FGGY: variants seen among roughly 807,000 people sequenced by gnomAD.
FGGY encodes FGGY carbohydrate kinase domain containing.
Under a neutral mutation model 71.3 loss-of-function variants are expected in FGGY, and 72 were observed. The observed-to-expected ratio is 1.01, with a 90% CI of 0.84 to 1.23. The LOEUF is 1.23. Ranked by LOEUF, FGGY falls within the 50% of genes most tolerant of loss-of-function variation. The pLI, the probability that FGGY is intolerant of heterozygous loss-of-function variation, is 0.00. For synonymous variants in FGGY, 251 were observed against 250.3 expected, an observed-to-expected ratio of 1.00 and a Z score of -0.02; for missense variants, 668 against 682.3, an observed-to-expected ratio of 0.98 and a Z score of 0.23.
At chr1:59,335,520 A>G (rs1165100506) in intron 2 of FGGY, among the ~76,000 whole-genome samples, 6 of 152,176 alleles carry the variant, frequency 3.9e-5, no homozygotes, top group Non-Finnish European at 8.8e-5. Context: ...ATATTCACAT[A>G]CAATTCTTTG....
chr1:59,501,292 G>C (rs542732457), intron 6 of FGGY, among the ~76,000 whole-genome samples: 1 of 152,184 alleles, frequency 6.6e-6, no homozygotes, highest in African/African-American at 2.4e-5. Context: ...TATGTTTTTA[G>C]TGATACAATT....
At position 59,352,763 on chromosome 1, in the gene FGGY, A is replaced by T. The variant is rs76739437; in HGVS notation, c.465+6365A>T. Among the ~76,000 whole-genome samples the T allele has an allele frequency of 2.8e-3, 433 of 152,320 alleles. 4 individuals carry two copies. The highest frequency in any genetic ancestry group is 9.5e-3 in the African/African-American group (395 of 41,568). On this transcript the variant is annotated intron_variant, in intron 4 of 15. Coordinates refer to ENST00000303721, the MANE Select transcript of FGGY (RefSeq NM_018291.5). ...TTCTTTCTGTAACTTGAGAGGCTGG[A>T]CGAAGCTAATTTTTAAAACCTTATT...
chr1:59,345,830 A>G (rs1351320552), intron 3 of FGGY, among the ~76,000 whole-genome samples: 1 of 152,192 alleles, frequency 6.6e-6, no homozygotes, highest in Non-Finnish European at 1.5e-5. Context: ...CCGTCAAAGT[A>G]TTTATCCATA....
intron 6 of FGGY, among the ~76,000 whole-genome samples, chr1:59,502,570 G>A (rs1460949857): frequency 6.6e-6 from 1 of 152,198 alleles, no homozygotes; most frequent in Admixed American, 6.5e-5. Context: ...TTGAATTTTT[G>A]CCAACTCCCT....
intron 14 of FGGY, among the ~76,000 whole-genome samples, chr1:59,712,477 A>G (rs1166078001): frequency 2.0e-5 from 3 of 152,132 alleles, no homozygotes; most frequent in Non-Finnish European, 2.9e-5. Context: ...CTGACACCAC[A>G]TTTCCCTTTG....
chr1:59,664,953 G>C (rs1572867212), intron 12 of FGGY, among the ~76,000 whole-genome samples: 1 of 151,976 alleles, frequency 6.6e-6, no homozygotes. Flanking sequence ...AAAAAAAATG[G>C]CAATTGAGTT....
intron 6 of FGGY, among the ~76,000 whole-genome samples, chr1:59,479,270 T>G (rs2093382060): frequency 6.6e-6 from 1 of 151,586 alleles, no homozygotes. Flanking sequence ...GGTCAGAGTG[T>G]GGGGGGAGAG....
In FGGY at chr1:59,652,619, C is replaced by CT. The variant is rs2097175073; in HGVS notation, c.1222-7598dup. ...TCAGCTCCATCGGCTCCTTTAAGCACTTCTCTGTATTGGTTATTCTAGTTA... is the reference window on the plus strand; with the variant it reads ...TCAGCTCCATCGGCTCCTTTAAGCACTTTCTCTGTATTGGTTATTCTAGTTA... On this transcript the variant is annotated intron_variant, in intron 11 of 15. Transcript: ENST00000303721. Among the ~76,000 whole-genome samples the CT allele has an allele frequency of 1.4e-5, 2 of 142,178 alleles. 1 individual carries two copies. Among genetic ancestry groups the CT allele is most frequent in the African/African-American group, 5.7e-5 (2 of 35,158 alleles). 93.3% of individuals were successfully genotyped at this position (142,178 alleles called of 152,430 possible).
intron 6 of FGGY, among the ~76,000 whole-genome samples, chr1:59,507,831 G>A (rs113363192): frequency 0.012 from 1,777 of 151,820 alleles, 35 homozygotes; most frequent in African/African-American, 0.04. Flanking sequence ...AACCACGCCC[G>A]GCCACATTTA....
At chr1:59,663,506 G>T (rs868471074) in intron 12 of FGGY, among the ~76,000 whole-genome samples, 7 of 152,246 alleles carry the variant, frequency 4.6e-5, no homozygotes, top group Middle Eastern at 3.4e-3. Flanking sequence ...CTTAATGCGG[G>T]CAGGAGAGGG....
At chr1:59,547,685 A>G (rs1236582528) in intron 7 of FGGY, among the ~76,000 whole-genome samples, 1 of 152,158 alleles carries the variant, frequency 6.6e-6, no homozygotes, top group Non-Finnish European at 1.5e-5. Context: ...GGATCTTAGA[A>G]CCTTTAGTCT....
chr1:59,378,891 G>A lies in FGGY; in HGVS notation c.554+54G>A, dbSNP rs929900348. ...TGCGTTCTTCCATTCTTGGATGTCT[G>A]TCTATATATTGCTTTCTTAACTCTC... is the stretch of plus-strand genomic sequence containing the variant. On this transcript the variant is annotated intron_variant, in intron 5 of 15. Coordinates refer to ENST00000303721, the MANE Select transcript of FGGY (RefSeq NM_018291.5). 3.7e-5 allele frequency: 52 copies of A among 1,424,424 alleles called. No homozygotes were observed. In the Admixed American group the frequency reaches 8.5e-4, roughly 23 times the overall value. 88.2% of individuals were successfully genotyped at this position (1,424,424 alleles called of 1,614,324 possible). A position where few individuals can be genotyped will look rare whatever the true frequency, so the allele number is the denominator to read the frequency against.
intron 7 of FGGY, among the ~76,000 whole-genome samples, chr1:59,534,927 C>T (rs373575813): frequency 3.4e-4 from 51 of 151,464 alleles, no homozygotes; most frequent in African/African-American, 1.1e-3. Context: ...CATCAACTAA[C>T]GAGCAAAATC....
chr1:59,580,327 C>T (rs1016927833), intron 8 of FGGY, among the ~76,000 whole-genome samples: 1 of 152,112 alleles, frequency 6.6e-6, no homozygotes, highest in Non-Finnish European at 1.5e-5. Flanking sequence ...AGGGTGCTTC[C>T]TAACTTGCTT....
chr1:59,706,550 T>C (rs2097758765), intron 14 of FGGY, among the ~76,000 whole-genome samples: 1 of 152,230 alleles, frequency 6.6e-6, no homozygotes, highest in African/African-American at 2.4e-5. Context: ...CTCAGCTCTC[T>C]AATTTGTAAA....
At chr1:59,348,519 T>C (rs79883520) in intron 4 of FGGY, among the ~76,000 whole-genome samples, 3,703 of 152,210 alleles carry the variant, frequency 0.024, 171 homozygotes, top group African/African-American at 0.085. Flanking sequence ...CCTTTGGGAA[T>C]CTCAAGGACT....
At chr1:59,627,010 A>G (rs539642645) in intron 10 of FGGY, among the ~76,000 whole-genome samples, 220 of 152,234 alleles carry the variant, frequency 1.4e-3, no homozygotes, top group Middle Eastern at 6.8e-3. Flanking sequence ...TTATATAACT[A>G]TAACTCTTAG....
intron 1 of FGGY, among the ~76,000 whole-genome samples, chr1:59,315,912 C>T (rs1277695434): frequency 6.6e-6 from 1 of 152,124 alleles, no homozygotes; most frequent in Non-Finnish European, 1.5e-5. Flanking sequence ...AAGAAATTTT[C>T]ATGTTTAGAG....
intron 4 of FGGY, among the ~76,000 whole-genome samples, chr1:59,352,596 G>C (rs374184441): frequency 2.1e-5 from 3 of 145,016 alleles, no homozygotes; most frequent in African/African-American, 8.7e-5. Flanking sequence ...AGATTCTTTG[G>C]GGGGAACCTG....
Sources: gnomAD v4.1 joint callset for allele counts (sites outside exome capture counted in the v4.1 genomes callset) on GRCh38, gnomAD v4.1.1 for gene constraint, MANE v1.5 for transcripts, NCBI Gene and HGNC (gene_info 2026-07-23, HGNC 2026-07-21) for gene names.